The following ARID3A variants were observed in gnomAD, a reference collection of about 807,000 sequenced individuals.
ARID3A encodes the protein AT-rich interactive domain-containing protein 3A.
ARID3A carries 11 observed loss-of-function variants against 52.7 expected under a neutral mutation model. The ratio of observed to expected loss-of-function variants is 0.21; its 90% CI spans 0.13 to 0.35. ARID3A has a LOEUF of 0.35. Among genes scored for constraint, ARID3A ranks in the 10% least tolerant of loss-of-function variants. ARID3A has a pLI of 1.00. For missense variants in ARID3A, 721 were observed against 838.5 expected, an observed-to-expected ratio of 0.86 and a Z score of 1.73; for synonymous variants, 404 against 359.4, an observed-to-expected ratio of 1.12 and a Z score of -1.40.
rs2037354717 is a variant in ARID3A, at chr19:932,536, G to A, written c.487G>A (p.Gly163Ser). ...EEDEEGLGPPGPASLGTTALF... is the reference protein window; with the variant it reads ...EEDEEGLGPPSPASLGTTALF... ...GGACGAGGAGGGGCTGGGCCCCCCA[G>A]GCCCTGCCAGCTTGGGCACCACGGC... Residue 163 changes from glycine to serine, a missense_variant, in exon 3 of 9, where the codon GGC becomes AGC. By Grantham distance (56) the Gly-to-Ser change is moderately conservative (BLOSUM62 0). Coordinates refer to ENST00000263620, the MANE Select transcript of ARID3A (RefSeq NM_005224.3). 1 of 1,519,398 alleles carries A rather than the reference G, an allele frequency of 6.6e-7. No homozygotes were observed. Among genetic ancestry groups the A allele is most frequent in the African/African-American group, 1.4e-5 (1 of 70,574 alleles). 94.1% of individuals were successfully genotyped at this position (1,519,398 alleles called of 1,614,324 possible).
rs1033743892 is a variant in ARID3A at position 964,515 on chromosome 19, GGTGGGCAGCTGCAGAGGAGGGGGCA to G, written c.950+94_950+118del. ...GGGGCCTGCAGAAGAGGGAGGGGGTGGTGGGCAGCTGCAGAGGAGGGGGCAGTGGGCAGCCGCAAAGGGCACAGGG... is the reference window on the plus strand; with the variant it reads ...GGGGCCTGCAGAAGAGGGAGGGGGTGGTGGGCAGCCGCAAAGGGCACAGGG... On this transcript the variant is annotated intron_variant, in intron 5 of 8. Coordinates refer to ENST00000263620, the MANE Select transcript of ARID3A (RefSeq NM_005224.3). This position sits in a 1 kb window ranked among gnomAD's most constrained non-coding sequence, Gnocchi z 5.7. The G allele has an allele frequency of 6.1e-6, 9 of 1,464,892 alleles. No individual in the cohort carries two copies. The African/African-American group carries it at 8.4e-5, about 14-fold the overall frequency. The allele number at this position is 1,464,892 out of a possible 1,614,324, so 90.7% of individuals were successfully genotyped here.
chr19:958,758 T>G (rs1385441608), intron 3 of ARID3A, among the ~76,000 whole-genome samples: 1 of 151,812 alleles, frequency 6.6e-6, no homozygotes, highest in East Asian at 2.0e-4. Flanking sequence ...CCGGGCGTGG[T>G]GGCGGGCGCC....
At chr19:948,917 C>T (rs913786534) in intron 3 of ARID3A, among the ~76,000 whole-genome samples, 20 of 152,102 alleles carry the variant, frequency 1.3e-4, no homozygotes, top group Admixed American at 5.2e-4. Flanking sequence ...CCATGTTGGC[C>T]GGGCTGGTCT....
intron 3 of ARID3A, among the ~76,000 whole-genome samples, chr19:950,829 G>GTT (rs3216346): frequency 1.3e-5 from 2 of 148,286 alleles, no homozygotes; most frequent in South Asian, 2.2e-4. Flanking sequence ...TCTTTATTTT[G>GTT]TTTTTTTTTT....
chr19:974,405 A>G lies in ARID3A; in HGVS notation c.*2340A>G, dbSNP rs1214856376. 1.3e-5 allele frequency: 3 copies of G among 229,556 alleles called. No homozygotes were observed. Among genetic ancestry groups the G allele is most frequent in the African/African-American group, 6.7e-5 (3 of 44,882 alleles). 14.2% of individuals were successfully genotyped at this position (229,556 alleles called of 1,614,324 possible). ...TTGCCTCCAGACACAATCGGGCCCC[A>G]CTCGCAGAACCACCTGGACTCTGTC... On this transcript the variant is annotated 3_prime_UTR_variant, in exon 9 of 9. Transcript: ENST00000263620.
At chr19:953,086 C>T (rs1039474767) in intron 3 of ARID3A, among the ~76,000 whole-genome samples, 4 of 152,116 alleles carry the variant, frequency 2.6e-5, no homozygotes, top group East Asian at 1.9e-4. Context: ...CTCCCAGAGC[C>T]GGTGGGCTGG....
At chr19:933,355 C>T (rs771476111) in intron 3 of ARID3A, among the ~76,000 whole-genome samples, 9 of 152,144 alleles carry the variant, frequency 5.9e-5, no homozygotes, top group East Asian at 1.9e-4. Flanking sequence ...AGCCTTTCCC[C>T]GCAGGCGGCC....
rs987284443 is a variant in ARID3A at position 964,593 on chromosome 19, C to T, written c.950+162C>T. On this transcript the variant is annotated intron_variant, in intron 5 of 8. Transcript: ENST00000263620. The surrounding 1 kb of genome is among the most constrained non-coding windows in gnomAD (Gnocchi z 5.7). ...ACACCGTGCGTCCAGGGCCCGAGAG[C>T]GTCAAGTAGGGGTGCGAGGACCACA... Among the ~76,000 whole-genome samples, 2 of 152,080 alleles carry T rather than the reference C, an allele frequency of 1.3e-5. No homozygotes were observed. The highest frequency in any genetic ancestry group is 2.9e-5 in the Non-Finnish European group (2 of 68,006).
At chr19:950,789 C>T (rs1189838943) in intron 3 of ARID3A, among the ~76,000 whole-genome samples, 2 of 151,994 alleles carry the variant, frequency 1.3e-5, no homozygotes, top group African/African-American at 2.4e-5. Flanking sequence ...TTCAGTTTAA[C>T]TTTGGTTGTA....
At chr19:946,795 T>TG (rs1389042222) in intron 3 of ARID3A, among the ~76,000 whole-genome samples, 1 of 150,500 alleles carries the variant, frequency 6.6e-6, no homozygotes, top group African/African-American at 2.5e-5. Flanking sequence ...TGTTTGTTTG[T>TG]TTGTGTGTGT....
Position 960,876 on chromosome 19 carries a change from GA to G in ARID3A, c.766+715del, listed in dbSNP as rs2038026448. Among the ~76,000 whole-genome samples, 1 of 152,166 alleles carries G rather than the reference GA, an allele frequency of 6.6e-6. No homozygotes were observed. The highest frequency in any genetic ancestry group is 2.4e-5 in the African/African-American group (1 of 41,434). On this transcript the variant is annotated intron_variant, in intron 4 of 8. Transcript: ENST00000263620. This position sits in a 1 kb window ranked among gnomAD's most constrained non-coding sequence, Gnocchi z 4.3. ...AGGTCTGGGCTGGTGTCCAGGTGGGGAAACTGAGGTCCAGACACAAGACAGA... is the reference window on the plus strand; with the variant it reads ...AGGTCTGGGCTGGTGTCCAGGTGGGGAACTGAGGTCCAGACACAAGACAGA...
intron 3 of ARID3A, among the ~76,000 whole-genome samples, chr19:953,769 C>T (rs1202327965): frequency 6.6e-6 from 1 of 152,026 alleles, no homozygotes; most frequent in Non-Finnish European, 1.5e-5. Flanking sequence ...GGGGCCTGTG[C>T]GTTTTACATA....
Position 929,680 on chromosome 19 carries a change from G to A in ARID3A, c.152G>A (p.Ser51Asn). Residue 51 changes from serine (S) to asparagine (N), a missense_variant, in exon 2 of 9, where the codon AGT (serine) becomes AAT (asparagine). Transcript: ENST00000263620. This position sits in a 1 kb window ranked among gnomAD's most constrained non-coding sequence, Gnocchi z 6.2. ...CCCGACGAGGACAGAGAGCCCGAGA[G>A]TGCCCGGATGCAGCGGGCTCAGATG... is the stretch of plus-strand genomic sequence containing the variant. ...AAPDEDREPE[S>N]ARMQRAQMAA... The A allele has an allele frequency of 3.2e-6, 5 of 1,558,322 alleles. No individual in the cohort carries two copies. Among genetic ancestry groups the A allele is most frequent in the Non-Finnish European group, 4.3e-6 (5 of 1,160,428 alleles).
intron 3 of ARID3A, among the ~76,000 whole-genome samples, chr19:954,921 G>C (rs931738759): frequency 2.0e-5 from 3 of 152,210 alleles, no homozygotes; most frequent in Admixed American, 6.5e-5. Flanking sequence ...GTCAGGCGGC[G>C]TGGAGGGGAG....
chr19:964,198 C>A lies in ARID3A; in HGVS notation c.767-50C>A. The A allele has an allele frequency of 6.6e-7, 1 of 1,517,114 alleles. No homozygotes were observed. Among genetic ancestry groups the A allele is most frequent in the East Asian group, 2.3e-5 (1 of 43,930 alleles). The allele number at this position is 1,517,114 out of a possible 1,614,324, so 94.0% of individuals were successfully genotyped here. ...AGGGCGGAGGCCAGGACACTCGGCT[C>A]CCTGCAGTGCCCAGGTGGCCCCCAA... On this transcript the variant is annotated intron_variant, in intron 4 of 8. Transcript: ENST00000263620. The surrounding 1 kb of genome is among the most constrained non-coding windows in gnomAD (Gnocchi z 5.7).
chr19:956,544 GGCCA>G (rs1184197941), intron 3 of ARID3A: 1 of 152,260 alleles, frequency 6.6e-6, no homozygotes, highest in Non-Finnish European at 1.5e-5. Context: ...CCACCGGCCC[GGCCA>G]GCCGGGTCTA....
rs965463656 is a variant in ARID3A, at chr19:972,376, G to A, written c.*311G>A. ...AAGAAATCCATCAGAAAAACAGAAA[G>A]AGGCAGACGTTTCCCAGGGCGTTCA... On this transcript the variant is annotated 3_prime_UTR_variant, in exon 9 of 9. Transcript: ENST00000263620. The A allele has an allele frequency of 3.7e-5, 8 of 217,024 alleles. No homozygotes were observed. In the East Asian group the frequency reaches 5.4e-4, roughly 15 times the overall value. 13.4% of individuals were successfully genotyped at this position (217,024 alleles called of 1,614,324 possible).
chr19:930,750 C>A (rs1330094363), intron 2 of ARID3A, among the ~76,000 whole-genome samples: 2 of 151,016 alleles, frequency 1.3e-5, no homozygotes, highest in East Asian at 4.0e-4. Context: ...ACCTCATGAT[C>A]TGCCTGCCTT....
chr19:953,108 C>T (rs1388627139), intron 3 of ARID3A, among the ~76,000 whole-genome samples: 2 of 151,964 alleles, frequency 1.3e-5, no homozygotes, highest in Admixed American at 1.3e-4. Context: ...GAGGGGAGTC[C>T]TGAGCCGGGG....
Sources: allele counts gnomAD v4.1 joint callset (sites outside exome capture counted in the v4.1 genomes callset), GRCh38; gene constraint gnomAD v4.1.1; non-coding constraint Gnocchi (gnomAD v3.1); transcripts MANE v1.5; gene names NCBI Gene and HGNC (gene_info 2026-07-23, HGNC 2026-07-21).